Variants in STXBP5 observed in about 807,000 individuals in gnomAD.
The protein encoded by STXBP5 is syntaxin-binding protein 5.
STXBP5 carries 50 observed loss-of-function variants against 152.4 expected under a neutral mutation model. That is an observed-to-expected ratio of 0.33 (90% CI 0.26 to 0.42). STXBP5 has a LOEUF of 0.42. STXBP5 is among the 10% of genes least tolerant of loss of function. STXBP5 has a pLI of 1.00. For missense variants in STXBP5, 1,167 were observed against 1,388.6 expected, an observed-to-expected ratio of 0.84 and a Z score of 2.54; for synonymous variants, 492 against 494.7, an observed-to-expected ratio of 0.99 and a Z score of 0.07.
chr6:147,384,220 G>T (rs1786231910), intron 27 of STXBP5, among the ~76,000 whole-genome samples: 1 of 151,930 alleles, frequency 6.6e-6, no homozygotes. Flanking sequence ...CATTACCTTG[G>T]GCAACCCCTA....
At chr6:147,300,996 A>AACAG in intron 9 of STXBP5, among the ~76,000 whole-genome samples, 1 of 152,134 alleles carries the variant, frequency 6.6e-6, no homozygotes, top group Admixed American at 6.5e-5. Flanking sequence ...GAAAACCTTT[A>AACAG]ACAGACATTC....
intron 1 of STXBP5, 72 bp from the exon 2 acceptor site, chr6:147,205,899 C>T: frequency 8.8e-7 from 1 of 1,135,944 alleles, no homozygotes; most frequent in South Asian, 1.3e-5. Flanking sequence ...AATTCTAACG[C>T]CTCTATTGAC....
rs570351480 is a variant in STXBP5 at position 147,348,303 on chromosome 6, A to G, written c.2255-5020A>G. 2.9e-4 allele frequency among the ~76,000 whole-genome samples: 44 copies of G among 152,090 alleles called. 1 individual carries two copies. In the East Asian group the frequency reaches 7.6e-3, roughly 26 times the overall value. Reference sequence around the variant, plus strand: ...CTCTTCATGCAAGGGAAAGAAACCCATTACAGACATCCTAGGATTTAAATC... The same window carrying G: ...CTCTTCATGCAAGGGAAAGAAACCCGTTACAGACATCCTAGGATTTAAATC... On this transcript the variant is annotated intron_variant, in intron 21 of 27. Transcript: ENST00000321680.
In STXBP5 at chr6:147,359,000, A is replaced by G. The variant is rs879250783; in HGVS notation, c.2306-84A>G. ...GGTTTTGTCTTCTTGCAGATTAACT[A>G]TTTGACCAAATTTATATTAAAAAAC... On this transcript the variant is annotated intron_variant, in intron 22 of 27. Coordinates refer to ENST00000321680, the MANE Select transcript of STXBP5 (RefSeq NM_001127715.4). The G allele has an allele frequency of 3.2e-5, 48 of 1,490,380 alleles. No individual in the cohort carries two copies. In the South Asian group the frequency reaches 3.6e-4, roughly 11 times the overall value. The allele number at this position is 1,490,380 out of a possible 1,614,324, so 92.3% of individuals were successfully genotyped here. A position where few individuals can be genotyped will look rare whatever the true frequency, so the allele number is the denominator to read the frequency against.
intron 9 of STXBP5, among the ~76,000 whole-genome samples, chr6:147,294,589 C>G (rs1275166493): frequency 6.6e-6 from 1 of 152,032 alleles, no homozygotes; most frequent in Non-Finnish European, 1.5e-5. Context: ...AATTTTATAA[C>G]TGAAGAATCT....
chr6:147,332,642 G>C (rs902694497), intron 18 of STXBP5, among the ~76,000 whole-genome samples: 1 of 152,178 alleles, frequency 6.6e-6, no homozygotes, highest in African/African-American at 2.4e-5. Context: ...GATAGTCTGA[G>C]AGGTAACAGG....
In STXBP5 at chr6:147,300,657, AAAT is replaced by A. The variant is rs547381686; in HGVS notation, c.918-9426_918-9424del. Among the ~76,000 whole-genome samples, 955 of 152,296 alleles carry A rather than the reference AAAT, an allele frequency of 6.3e-3. 6 individuals carry two copies. Among genetic ancestry groups the A allele is most frequent in the Non-Finnish European group, 7.2e-3 (488 of 67,984 alleles). On this transcript the variant is annotated intron_variant, in intron 9 of 27. Coordinates refer to ENST00000321680, the MANE Select transcript of STXBP5 (RefSeq NM_001127715.4). ...TCACCAAACACAAAAATCTGCTAAAAAATGTATTAAAGACTTAAATGTAAGACC... is the reference window on the plus strand; with the variant it reads ...TCACCAAACACAAAAATCTGCTAAAAGTATTAAAGACTTAAATGTAAGACC...
intron 26 of STXBP5, among the ~76,000 whole-genome samples, chr6:147,377,413 AAGATT>A (rs1445606432): frequency 6.6e-6 from 1 of 152,228 alleles, no homozygotes; most frequent in African/African-American, 2.4e-5. Context: ...CCAAATAAAA[AAGATT>A]AAGGTATTAA....
chr6:147,301,279 A>G (rs1164030859), intron 9 of STXBP5, among the ~76,000 whole-genome samples: 1 of 152,148 alleles, frequency 6.6e-6, no homozygotes, highest in African/African-American at 2.4e-5. Flanking sequence ...ATATGATCCA[A>G]CAATCTCATT....
chr6:147,262,449 G>A, intron 6 of STXBP5, 96 bp downstream of exon 6: 1 of 685,652 alleles, frequency 1.5e-6, no homozygotes, highest in East Asian at 3.0e-5. Context: ...TACAAATTGA[G>A]ATTACCATTG....
chr6:147,205,401 T>A (rs2115003983), intron 1 of STXBP5, among the ~76,000 whole-genome samples: 1 of 149,868 alleles, frequency 6.7e-6, no homozygotes, highest in African/African-American at 2.5e-5. Flanking sequence ...TATATATAGG[T>A]CTAATGCCCT....
At chr6:147,371,043 C>CT (rs1261500770) in intron 25 of STXBP5, among the ~76,000 whole-genome samples, 1 of 151,910 alleles carries the variant, frequency 6.6e-6, no homozygotes, top group East Asian at 1.9e-4. Context: ...ATGCAAGAGT[C>CT]TAAAATCAGA....
chr6:147,288,757 G>A (rs1296966284), intron 8 of STXBP5, among the ~76,000 whole-genome samples: 1 of 152,116 alleles, frequency 6.6e-6, no homozygotes. Flanking sequence ...TTCAGAGCAG[G>A]AGTGGAAGTT....
chr6:147,270,182 A>C (rs1348563364), intron 7 of STXBP5, among the ~76,000 whole-genome samples: 1 of 152,044 alleles, frequency 6.6e-6, no homozygotes, highest in African/African-American at 2.4e-5. Context: ...GCAGATCACG[A>C]GGTCAGGAGA....
At chr6:147,334,104 A>C (rs1022380709) in intron 18 of STXBP5, 53 bp from the exon 19 acceptor site, 11 of 1,564,182 alleles carry the variant, frequency 7.0e-6, no homozygotes, top group Non-Finnish European at 7.9e-6. Context: ...AAAAGACAAA[A>C]CTGCACTTAC....
intron 25 of STXBP5, among the ~76,000 whole-genome samples, chr6:147,365,075 T>C (rs779994958): frequency 2.0e-5 from 3 of 152,132 alleles, no homozygotes; most frequent in Admixed American, 6.6e-5. Flanking sequence ...GTGCATGTAA[T>C]GTGCTTAGCA....
intron 9 of STXBP5, among the ~76,000 whole-genome samples, chr6:147,291,595 AAAAT>A (rs1378371225): frequency 4.6e-5 from 7 of 152,276 alleles, no homozygotes; most frequent in African/African-American, 1.4e-4. Flanking sequence ...GCCAATTATG[AAAAT>A]AAATACAGTT....
At chr6:147,231,873 G>A (rs1475039143) in intron 2 of STXBP5, among the ~76,000 whole-genome samples, 1 of 151,820 alleles carries the variant, frequency 6.6e-6, no homozygotes, top group Non-Finnish European at 1.5e-5. Context: ...AGAATCATGT[G>A]TGCAAGGAAT....
intron 18 of STXBP5, among the ~76,000 whole-genome samples, chr6:147,331,713 CTATGTT>C (rs1783576482): frequency 6.8e-6 from 1 of 147,260 alleles, no homozygotes; most frequent in South Asian, 2.2e-4. Context: ...AATTACAGTT[CTATGTT>C]TATGTTGTAT....
Sources: gnomAD v4.1 joint callset for allele counts (sites outside exome capture counted in the v4.1 genomes callset) on GRCh38, gnomAD v4.1.1 for gene constraint, MANE v1.5 for transcripts, NCBI Gene and HGNC (gene_info 2026-07-23, HGNC 2026-07-21) for gene names.